Variants in CNTN5 observed in about 807,000 individuals in gnomAD.
CNTN5 encodes the protein contactin-5.
CNTN5 carries 77 observed loss-of-function variants against 129.1 expected under a neutral mutation model. The observed-to-expected ratio is 0.60, with a 90% CI of 0.50 to 0.72. CNTN5 has a LOEUF of 0.72. Among genes scored for constraint, CNTN5 ranks in the 30% least tolerant of loss-of-function variants. CNTN5 has a pLI of 0.00. For missense variants in CNTN5, 1,478 were observed against 1,328.8 expected (o/e 1.11, Z -1.75); for synonymous variants, 509 against 465.6 (o/e 1.09, Z -1.20).
At chr11:100,004,837 T>G (rs191743047) in intron 9 of CNTN5, among the ~76,000 whole-genome samples, 1 of 152,300 alleles carries the variant, frequency 6.6e-6, no homozygotes, top group African/African-American at 2.4e-5. Context: ...ACACAGCCTT[T>G]ATATAAGAAC....
At chr11:100,055,102 G>A (rs1943152537) in intron 9 of CNTN5, among the ~76,000 whole-genome samples, 1 of 148,174 alleles carries the variant, frequency 6.7e-6, no homozygotes, top group South Asian at 2.1e-4. Flanking sequence ...TTTGGAAAGA[G>A]ATGAGGTTTC....
At chr11:99,262,071 G>T (rs983384698) in intron 1 of CNTN5, among the ~76,000 whole-genome samples, 2 of 152,006 alleles carry the variant, frequency 1.3e-5, no homozygotes, top group African/African-American at 4.8e-5. Context: ...TAGTCCCTGA[G>T]ATTCATGACA....
intron 3 of CNTN5, among the ~76,000 whole-genome samples, chr11:99,678,618 C>A (rs1953405633): frequency 6.6e-6 from 1 of 152,032 alleles, no homozygotes; most frequent in African/African-American, 2.4e-5. Context: ...ATGGCCACTG[C>A]AAAACCTGTG....
At chr11:99,545,875 G>T (rs1311316600) in intron 2 of CNTN5, among the ~76,000 whole-genome samples, 1 of 152,160 alleles carries the variant, frequency 6.6e-6, no homozygotes, top group Non-Finnish European at 1.5e-5. Flanking sequence ...TTCTCTCCCT[G>T]CACGTAGCCA....
In CNTN5 at chr11:99,055,364, T is replaced by C. The variant is rs374267183; in HGVS notation, c.-210+34094T>C. ...TAATTTAAGATATCCAAATTTTATG[T>C]TATTCCTCTAAACAAGAAAGAGATT... On this transcript the variant is annotated intron_variant, in intron 1 of 24. Coordinates refer to ENST00000524871, the MANE Select transcript of CNTN5 (RefSeq NM_014361.4). Among the ~76,000 whole-genome samples, 7 of 152,066 alleles carry C rather than the reference T, an allele frequency of 4.6e-5. No individual in the cohort carries two copies. In the East Asian group the frequency reaches 1.2e-3, roughly 25 times the overall value.
intron 2 of CNTN5, among the ~76,000 whole-genome samples, chr11:99,408,802 A>G (rs947764129): frequency 1.3e-5 from 2 of 152,262 alleles, no homozygotes; most frequent in Non-Finnish European, 2.9e-5. Flanking sequence ...TACTTTAATT[A>G]ACAAAGAAAA....
At chr11:99,824,589 A>T (rs935622491) in intron 4 of CNTN5, among the ~76,000 whole-genome samples, 14 of 151,766 alleles carry the variant, frequency 9.2e-5, no homozygotes, top group Non-Finnish European at 4.4e-5. Flanking sequence ...GAATTTTTTG[A>T]TTTTGTGTAA....
At chr11:99,126,260 A>G (rs1044270582) in intron 1 of CNTN5, among the ~76,000 whole-genome samples, 1 of 152,170 alleles carries the variant, frequency 6.6e-6, no homozygotes, top group Non-Finnish European at 1.5e-5. Flanking sequence ...GGCGTATGTC[A>G]TGTTGAACAG....
intron 3 of CNTN5, among the ~76,000 whole-genome samples, chr11:99,686,418 A>AT (rs1177493336): frequency 6.6e-6 from 1 of 151,180 alleles, no homozygotes; most frequent in Non-Finnish European, 1.5e-5. Context: ...GCTTCCTTTT[A>AT]TTTTCTATAT....
intron 3 of CNTN5, among the ~76,000 whole-genome samples, chr11:99,653,982 TA>T (rs144918513): frequency 5.6e-4 from 83 of 148,968 alleles, no homozygotes; most frequent in African/African-American, 1.1e-3. Flanking sequence ...TTATTTCTAT[TA>T]AAAAAAAAAT....
At chr11:99,745,523 T>TG (rs11221199) in intron 3 of CNTN5, among the ~76,000 whole-genome samples, 150,920 of 152,294 alleles carry the variant, frequency 0.99, 74,791 homozygotes, top group Middle Eastern at 1. Flanking sequence ...GGCAGCCTTG[T>TG]AAATAGCTTT....
intron 1 of CNTN5, among the ~76,000 whole-genome samples, chr11:99,243,186 A>G (rs2135765023): frequency 6.6e-6 from 1 of 152,196 alleles, no homozygotes; most frequent in East Asian, 1.9e-4. Context: ...CTGGTGTGAG[A>G]GGCATCTCAT....
intron 13 of CNTN5, among the ~76,000 whole-genome samples, chr11:100,132,312 T>G (rs1346588913): frequency 6.6e-6 from 1 of 151,974 alleles, no homozygotes; most frequent in African/African-American, 2.4e-5. Flanking sequence ...ATTATGAAAA[T>G]TAAATAAAGG....
intron 9 of CNTN5, among the ~76,000 whole-genome samples, chr11:100,058,466 A>G (rs1408575033): frequency 6.6e-6 from 1 of 152,122 alleles, no homozygotes; most frequent in Admixed American, 6.6e-5. Context: ...AACCTTAATA[A>G]GCTACAGACA....
intron 3 of CNTN5, among the ~76,000 whole-genome samples, chr11:99,756,278 A>G (rs935210760): frequency 3.3e-5 from 5 of 152,128 alleles, no homozygotes; most frequent in South Asian, 4.1e-4. Flanking sequence ...GTTACGATCA[A>G]TTATGGGTTT....
intron 2 of CNTN5, among the ~76,000 whole-genome samples, chr11:99,336,629 C>G (rs1174809452): frequency 1.3e-5 from 2 of 151,986 alleles, no homozygotes; most frequent in African/African-American, 4.8e-5. Flanking sequence ...TACCTGAGGT[C>G]AGGAGTTTCA....
At chr11:100,040,997 C>T (rs987518310) in intron 9 of CNTN5, among the ~76,000 whole-genome samples, 3 of 152,188 alleles carry the variant, frequency 2.0e-5, no homozygotes, top group African/African-American at 7.2e-5. Context: ...CACCTACTCT[C>T]TGGCACTCCC....
chr11:99,317,824 T>TAAA (rs151075002), intron 1 of CNTN5, among the ~76,000 whole-genome samples: 43 of 151,204 alleles, frequency 2.8e-4, no homozygotes, highest in African/African-American at 9.9e-4. Flanking sequence ...TAACTTACTG[T>TAAA]AAAAAAAAAG....
chr11:100,063,804 C>G (rs970122945), intron 10 of CNTN5, among the ~76,000 whole-genome samples: 7 of 151,922 alleles, frequency 4.6e-5, no homozygotes, highest in African/African-American at 1.5e-4. Flanking sequence ...GGAGAATCAC[C>G]TGAACCCAGA....
Sources: allele counts gnomAD v4.1 joint callset (sites outside exome capture counted in the v4.1 genomes callset), GRCh38; gene constraint gnomAD v4.1.1; transcripts MANE v1.5; gene names NCBI Gene and HGNC (gene_info 2026-07-23, HGNC 2026-07-21).